SDK1: variants seen among roughly 807,000 people sequenced by gnomAD.
SDK1 encodes sidekick cell adhesion molecule 1.
Under a neutral mutation model 245.5 loss-of-function variants are expected in SDK1, and 157 were observed. That is an observed-to-expected ratio of 0.64 (90% CI 0.56 to 0.73). The LOEUF (loss-of-function observed/expected upper bound fraction) is 0.73, where lower values mean the gene tolerates loss of function less well. Among genes scored for constraint, SDK1 ranks in the 30% least tolerant of loss-of-function variants. The pLI is 0.00. For synonymous variants in SDK1, 1,647 were observed against 1,278.5 expected, an observed-to-expected ratio of 1.29 and a Z score of -6.15; for missense variants, 3,583 against 3,002.3, an observed-to-expected ratio of 1.19 and a Z score of -4.52.
rs1363551552 is a variant in SDK1 at position 3,962,962 on chromosome 7, T to C, written c.1429+111T>C. 4.2e-5 allele frequency: 21 copies of C among 505,850 alleles called. No homozygotes were observed. In the East Asian group the frequency reaches 6.5e-4, roughly 16 times the overall value. 31.3% of individuals were successfully genotyped at this position (505,850 alleles called of 1,614,324 possible). On this transcript the variant is annotated intron_variant, in intron 9 of 44. Coordinates refer to ENST00000404826, the MANE Select transcript of SDK1 (RefSeq NM_152744.4). ...GGGTACACCCAGGCTCACAGCTACC[T>C]GACCTGGACGTATCCAGTGAGTACA...
At chr7:3,653,953 A>G (rs934076630) in intron 4 of SDK1, among the ~76,000 whole-genome samples, 6 of 152,170 alleles carry the variant, frequency 3.9e-5, no homozygotes, top group African/African-American at 1.4e-4. Flanking sequence ...TTTGCCAAGT[A>G]ATGTTCAGAG....
At chr7:3,563,511 G>T (rs951589596) in intron 1 of SDK1, among the ~76,000 whole-genome samples, 1 of 152,100 alleles carries the variant, frequency 6.6e-6, no homozygotes, top group African/African-American at 2.4e-5. Context: ...ATGACAAGAA[G>T]ATGTAACCAT....
rs142302510 is a variant in SDK1 at position 3,783,886 on chromosome 7, A to C, written c.714-37564A>C. 2.6e-5 allele frequency among the ~76,000 whole-genome samples: 4 copies of C among 151,476 alleles called. No individual in the cohort carries two copies. In the East Asian group the frequency reaches 7.7e-4, roughly 29 times the overall value. Reference sequence around the variant, plus strand: ...TTATGTAGAAACAAAAATACCCCCAAATAGCCAAGGCAATCATGAGCAAAA... The same window carrying C: ...TTATGTAGAAACAAAAATACCCCCACATAGCCAAGGCAATCATGAGCAAAA... On this transcript the variant is annotated intron_variant, in intron 4 of 44. Transcript: ENST00000404826.
At chr7:3,863,539 G>A (rs1381468638) in intron 5 of SDK1, among the ~76,000 whole-genome samples, 3 of 151,948 alleles carry the variant, frequency 2.0e-5, no homozygotes, top group Non-Finnish European at 2.9e-5. Flanking sequence ...CTTTTCCATC[G>A]TGCCAAACAG....
chr7:3,995,366 C>T (rs1784624266), intron 14 of SDK1, among the ~76,000 whole-genome samples: 1 of 152,052 alleles, frequency 6.6e-6, no homozygotes, highest in Admixed American at 6.5e-5. Flanking sequence ...CTAGGGGTGC[C>T]ACACCCACCC....
At chr7:3,636,283 G>C (rs1782455195) in intron 2 of SDK1, among the ~76,000 whole-genome samples, 2 of 152,132 alleles carry the variant, frequency 1.3e-5, no homozygotes, top group Non-Finnish European at 2.9e-5. Context: ...TATGATTCCT[G>C]TAAATGCTAT....
At chr7:3,367,097 A>C (rs1379810821) in intron 1 of SDK1, among the ~76,000 whole-genome samples, 1 of 152,126 alleles carries the variant, frequency 6.6e-6, no homozygotes, top group Non-Finnish European at 1.5e-5. Flanking sequence ...TAAGTTGTGA[A>C]AGTTACTTCC....
chr7:3,529,009 G>A lies in SDK1; in HGVS notation c.299-90071G>A, dbSNP rs1430957518. Among the ~76,000 whole-genome samples, 3 of 152,154 alleles carry A rather than the reference G, an allele frequency of 2.0e-5. No homozygotes were observed. In the South Asian group the frequency reaches 6.2e-4, roughly 32 times the overall value. The stretch of plus-strand genomic sequence containing the variant: ...GGGAGGTAGCTAGCATGAGTGGTAA[G>A]TTGTTTACATGCAGGGGATTGAACA... On this transcript the variant is annotated intron_variant, in intron 1 of 44. Coordinates refer to ENST00000404826, the MANE Select transcript of SDK1 (RefSeq NM_152744.4).
intron 28 of SDK1, 21 bp downstream of exon 28, chr7:4,132,444 G>T: frequency 6.4e-7 from 1 of 1,550,394 alleles, no homozygotes; most frequent in Non-Finnish European, 8.8e-7. Flanking sequence ...GGCGGTGGCC[G>T]GGCGTGGTGG....
rs1266800478 is a variant in SDK1 at position 4,268,036 on chromosome 7, G to T, written c.*2652G>T. The stretch of plus-strand genomic sequence containing the variant: ...TCACAGCCTAGGAAGATGGAGGTTG[G>T]ATTTTAATCTCGGTTTTAAAAAGAG... On this transcript the variant is annotated 3_prime_UTR_variant, in exon 45 of 45. Transcript: ENST00000404826. 21 of 985,228 alleles carry T rather than the reference G, an allele frequency of 2.1e-5. No individual in the cohort carries two copies. The highest frequency in any genetic ancestry group is 2.4e-5 in the Non-Finnish European group (20 of 829,826). The allele number at this position is 985,228 out of a possible 1,614,324, so 61.0% of individuals were successfully genotyped here. A position where few individuals can be genotyped will look rare whatever the true frequency, so the allele number is the denominator to read the frequency against.
At chr7:4,125,311 C>T (rs759891741) in intron 25 of SDK1, among the ~76,000 whole-genome samples, 65 of 109,694 alleles carry the variant, frequency 5.9e-4, no homozygotes, top group Non-Finnish European at 9.7e-4. Context: ...AGGAATGAAT[C>T]GATGGATGGG....
chr7:3,979,320 A>G (rs1037294039), intron 13 of SDK1, among the ~76,000 whole-genome samples: 1 of 152,080 alleles, frequency 6.6e-6, no homozygotes, highest in Admixed American at 6.5e-5. Context: ...ACCATCTTAT[A>G]CTAGAATGCT....
intron 13 of SDK1, among the ~76,000 whole-genome samples, chr7:3,986,940 T>G (rs541736781): frequency 2.0e-5 from 3 of 152,312 alleles, no homozygotes; most frequent in Admixed American, 1.3e-4. Flanking sequence ...AGTACTTGTT[T>G]TGGTAGCTAG....
chr7:3,413,528 C>G (rs1377853597), intron 1 of SDK1, among the ~76,000 whole-genome samples: 2 of 151,934 alleles, frequency 1.3e-5, no homozygotes, highest in Non-Finnish European at 1.5e-5. Context: ...AACTCCGTCT[C>G]TACTAAAGGC....
chr7:3,666,205 A>G (rs923822470), intron 4 of SDK1, among the ~76,000 whole-genome samples: 2 of 152,016 alleles, frequency 1.3e-5, no homozygotes, highest in Non-Finnish European at 2.9e-5. Flanking sequence ...GGGCCTCAAG[A>G]TGAAGTTCGA....
intron 1 of SDK1, among the ~76,000 whole-genome samples, chr7:3,460,727 C>T (rs1780808133): frequency 6.6e-6 from 1 of 152,034 alleles, no homozygotes; most frequent in African/African-American, 2.4e-5. Flanking sequence ...GGGAATGAAT[C>T]AGTTAAAAAC....
rs73673655 is a variant in SDK1 at position 3,625,556 on chromosome 7, A to G, written c.458+6317A>G. ...AGCACCAGTGCAGGGATCCCTTATC[A>G]AGTTGGCAGTCACTCTAAGTGGCTG... is the stretch of plus-strand genomic sequence containing the variant. On this transcript the variant is annotated intron_variant, in intron 2 of 44. Coordinates refer to ENST00000404826, the MANE Select transcript of SDK1 (RefSeq NM_152744.4). Among the ~76,000 whole-genome samples, 798 of 152,280 alleles carry G rather than the reference A, an allele frequency of 5.2e-3. 6 individuals carry two copies. Among genetic ancestry groups the G allele is most frequent in the African/African-American group, 0.018 (763 of 41,560 alleles).
chr7:4,179,132 C>G (rs1782436907), intron 35 of SDK1: 1 of 153,008 alleles, frequency 6.5e-6, no homozygotes, highest in South Asian at 2.1e-4. Flanking sequence ...AGATCAGATC[C>G]TGTCCCTATC....
At chr7:3,608,964 A>G (rs1182820973) in intron 1 of SDK1, among the ~76,000 whole-genome samples, 1 of 152,218 alleles carries the variant, frequency 6.6e-6, no homozygotes, top group East Asian at 1.9e-4. Flanking sequence ...ATTACAAGAG[A>G]CTAAATGCAG....
Sources: gnomAD v4.1 joint callset for allele counts (sites outside exome capture counted in the v4.1 genomes callset) on GRCh38, gnomAD v4.1.1 for gene constraint, MANE v1.5 for transcripts, NCBI Gene and HGNC (gene_info 2026-07-23, HGNC 2026-07-21) for gene names.